The following RABEPK variants were observed in gnomAD, a reference collection of about 807,000 sequenced individuals.
RABEPK encodes 40 kDa Rab9 effector protein.
A neutral mutation model predicts 34.1 loss-of-function variants in RABEPK; 27 were observed. The ratio of observed to expected loss-of-function variants is 0.79; its 90% confidence interval spans 0.58 to 1.09. RABEPK has a LOEUF of 1.09. Among genes scored for constraint, RABEPK ranks in the 50% least tolerant of loss-of-function variants. The probability of loss-of-function intolerance (pLI) is 0.00; values close to 1 mark genes in which losing one functional copy is unlikely to be tolerated. For missense variants in RABEPK, 449 were observed against 462.6 expected, an observed-to-expected ratio of 0.97 and a Z score of 0.27; for synonymous variants, 172 against 169.2, an observed-to-expected ratio of 1.02 and a Z score of -0.13.
At chr9:125,211,905 G>A (rs992946840) in intron 3 of RABEPK, among the ~76,000 whole-genome samples, 2 of 151,910 alleles carry the variant, frequency 1.3e-5, no homozygotes, top group Non-Finnish European at 2.9e-5. Context: ...GGAGGCAGAG[G>A]TTGCAGTGAG....
rs376415732 is a variant in RABEPK, at chr9:125,233,403, A to T, written c.827-285A>T. Among the ~76,000 whole-genome samples the T allele has an allele frequency of 1.2e-4, 15 of 124,766 alleles. No individual in the cohort carries two copies. In the East Asian group the frequency reaches 3.6e-3, roughly 30 times the overall value. The allele number at this position is 124,766 out of a possible 152,430, so 81.9% of individuals were successfully genotyped here. ...GCCCAGGCTGTAGTGCGGTGACGTGATCTTGGCTCACTGCAAGTTCCACCT... is the reference window on the plus strand; with the variant it reads ...GCCCAGGCTGTAGTGCGGTGACGTGTTCTTGGCTCACTGCAAGTTCCACCT... On this transcript the variant is annotated intron_variant, in intron 7 of 7. Transcript: ENST00000373538.
At chr9:125,227,243 T>C (rs1311147037) in intron 5 of RABEPK, among the ~76,000 whole-genome samples, 1 of 152,100 alleles carries the variant, frequency 6.6e-6, no homozygotes, top group Non-Finnish European at 1.5e-5. Flanking sequence ...TCTGAAGGGC[T>C]GTCACAGAAA....
At chr9:125,227,515 G>A (rs973633781) in intron 5 of RABEPK, among the ~76,000 whole-genome samples, 1 of 151,748 alleles carries the variant, frequency 6.6e-6, no homozygotes, top group Admixed American at 6.6e-5. Flanking sequence ...TCCACCTCTC[G>A]GGTTCAAGCA....
At chr9:125,224,032 G>T (rs1831545983) in intron 5 of RABEPK, among the ~76,000 whole-genome samples, 1 of 151,714 alleles carries the variant, frequency 6.6e-6, no homozygotes, top group African/African-American at 2.4e-5. Context: ...TGTTTCAACT[G>T]AAAATACAAA....
intron 5 of RABEPK, among the ~76,000 whole-genome samples, chr9:125,224,547 G>A (rs955082898): frequency 6.6e-6 from 1 of 151,440 alleles, no homozygotes; most frequent in Non-Finnish European, 1.5e-5. Context: ...CCACCTCCCG[G>A]GTTCAAGCAA....
chr9:125,230,698 G>A (rs1832106742), intron 6 of RABEPK, among the ~76,000 whole-genome samples: 1 of 151,736 alleles, frequency 6.6e-6, no homozygotes, highest in Non-Finnish European at 1.5e-5. Flanking sequence ...ACCACGCCCG[G>A]CTAATTTTTT....
intron 2 of RABEPK, among the ~76,000 whole-genome samples, chr9:125,205,914 C>G (rs569206717): frequency 9.3e-5 from 14 of 150,558 alleles, no homozygotes; most frequent in Non-Finnish European, 2.1e-4. Flanking sequence ...TAACATTAAT[C>G]AGGTAAGCAA....
At chr9:125,204,374 G>A (rs1326081180) in intron 2 of RABEPK, among the ~76,000 whole-genome samples, 2 of 152,108 alleles carry the variant, frequency 1.3e-5, no homozygotes, top group East Asian at 3.9e-4. Context: ...TTGAAGCCAG[G>A]AGTTTGAGAC....
intron 2 of RABEPK, among the ~76,000 whole-genome samples, chr9:125,204,884 G>T (rs1304974561): frequency 6.6e-6 from 1 of 152,176 alleles, no homozygotes; most frequent in Non-Finnish European, 1.5e-5. Context: ...CTGGAATGCG[G>T]TGGTACAATT....
At chr9:125,230,207 A>C (rs1281049528) in intron 6 of RABEPK, among the ~76,000 whole-genome samples, 1 of 151,936 alleles carries the variant, frequency 6.6e-6, no homozygotes, top group African/African-American at 2.4e-5. Flanking sequence ...CAAGGGATCC[A>C]CCCGCCTTGG....
intron 1 of RABEPK, among the ~76,000 whole-genome samples, chr9:125,201,675 G>A (rs924035361): frequency 7.2e-5 from 11 of 151,900 alleles, no homozygotes; most frequent in Non-Finnish European, 1.2e-4. Flanking sequence ...TGCAAGTGGC[G>A]CAATTTCGGC....
intron 4 of RABEPK, among the ~76,000 whole-genome samples, chr9:125,218,321 CAAAAAAAA>C (rs71374234): frequency 2.2e-4 from 9 of 41,152 alleles, no homozygotes; most frequent in East Asian, 1.6e-3. Flanking sequence ...GACTCCGTCT[CAAAAAAAA>C]AAAAAAAAAA....
At chr9:125,223,865 CAA>C (rs1376799028) in intron 5 of RABEPK, among the ~76,000 whole-genome samples, 1 of 151,882 alleles carries the variant, frequency 6.6e-6, no homozygotes, top group Non-Finnish European at 1.5e-5. Flanking sequence ...AATTCAAAGA[CAA>C]ATTGTTTGGC....
chr9:125,204,874 C>T (rs1467065985), intron 2 of RABEPK, among the ~76,000 whole-genome samples: 1 of 152,188 alleles, frequency 6.6e-6, no homozygotes, highest in Non-Finnish European at 1.5e-5. Flanking sequence ...GCCACCCAGG[C>T]TGGAATGCGG....
chr9:125,205,757 G>A (rs1322374871), intron 2 of RABEPK, among the ~76,000 whole-genome samples: 1 of 152,104 alleles, frequency 6.6e-6, no homozygotes, highest in Non-Finnish European at 1.5e-5. Context: ...CAATGTGCTG[G>A]GATTACAGGC....
intron 2 of RABEPK, 111 bp downstream of exon 2, chr9:125,203,177 G>T: frequency 5.9e-6 from 5 of 854,356 alleles, no homozygotes; most frequent in Non-Finnish European, 7.6e-6. Flanking sequence ...GAAACTGTCT[G>T]CAGTTTCTGG....
intron 2 of RABEPK, among the ~76,000 whole-genome samples, chr9:125,205,280 A>G (rs1048213096): frequency 2.6e-5 from 4 of 152,140 alleles, no homozygotes; most frequent in African/African-American, 7.2e-5. Flanking sequence ...CCTTTCTACC[A>G]CAATTGAAGT....
intron 5 of RABEPK, among the ~76,000 whole-genome samples, chr9:125,226,665 A>G (rs1831773362): frequency 6.6e-6 from 1 of 151,804 alleles, no homozygotes; most frequent in Non-Finnish European, 1.5e-5. Flanking sequence ...AGAGATCAAG[A>G]CCAGTCTGGC....
At chr9:125,203,371 A>G (rs1040889758) in intron 2 of RABEPK, among the ~76,000 whole-genome samples, 5 of 152,178 alleles carry the variant, frequency 3.3e-5, no homozygotes, top group African/African-American at 1.2e-4. Context: ...TAAGATTTTT[A>G]GGAAATTAGA....
Sources: allele counts gnomAD v4.1 joint callset (sites outside exome capture counted in the v4.1 genomes callset), GRCh38; gene constraint gnomAD v4.1.1; transcripts MANE v1.5; gene names NCBI Gene and HGNC (gene_info 2026-07-23, HGNC 2026-07-21).